Variants in PTCHD4 observed in about 807,000 individuals in gnomAD.
PTCHD4 encodes patched domain containing 4.
PTCHD4 carries 33 observed loss-of-function variants against 58.1 expected under a neutral mutation model. The ratio of observed to expected loss-of-function variants is 0.57; its 90% CI spans 0.43 to 0.76. The LOEUF (loss-of-function observed/expected upper bound fraction) is 0.76. Among genes scored for constraint, PTCHD4 ranks in the 30% least tolerant of loss-of-function variants. The pLI, the probability that PTCHD4 is intolerant of heterozygous loss-of-function variation, is 0.00. For missense variants in PTCHD4, 1,058 were observed against 1,027.1 expected (o/e 1.03, Z -0.41); for synonymous variants, 478 against 409.6 (o/e 1.17, Z -2.02).
chr6:48,062,536 A>G (rs1764666601), intron 3 of PTCHD4, among the ~76,000 whole-genome samples: 3 of 152,132 alleles, frequency 2.0e-5, no homozygotes, highest in Admixed American at 2.0e-4. Flanking sequence ...CTTATGAAAA[A>G]TTTACAACCA....
At chr6:47,985,177 T>A (rs1344527282) in intron 4 of PTCHD4, among the ~76,000 whole-genome samples, 1 of 152,130 alleles carries the variant, frequency 6.6e-6, no homozygotes, top group East Asian at 1.9e-4. Context: ...TATGTATAGC[T>A]TCCATTCTTA....
intron 4 of PTCHD4, among the ~76,000 whole-genome samples, chr6:47,964,936 C>T (rs766772186): frequency 3.2e-4 from 48 of 151,948 alleles, no homozygotes; most frequent in Non-Finnish European, 5.3e-4. Flanking sequence ...ACAGCACACT[C>T]GAGTGGGTTT....
chr6:47,937,184 C>T, intron 4 of PTCHD4, among the ~76,000 whole-genome samples: 1 of 152,196 alleles, frequency 6.6e-6, no homozygotes, highest in Non-Finnish European at 1.5e-5. Flanking sequence ...CATGGAAAAG[C>T]ATGCCATGGC....
At chr6:47,929,639 A>G (rs1335072432) in intron 4 of PTCHD4, among the ~76,000 whole-genome samples, 1 of 152,224 alleles carries the variant, frequency 6.6e-6, no homozygotes, top group Non-Finnish European at 1.5e-5. Context: ...TATTTTCCAG[A>G]GAGGAACTCC....
At chr6:47,909,691 C>T (rs1042358505) in intron 4 of PTCHD4, among the ~76,000 whole-genome samples, 2 of 152,080 alleles carry the variant, frequency 1.3e-5, no homozygotes, top group Non-Finnish European at 1.5e-5. Context: ...GATCCTTCTG[C>T]CTTGGCCTCC....
intron 1 of PTCHD4, among the ~76,000 whole-genome samples, chr6:48,091,378 G>A (rs1200574470): frequency 6.6e-6 from 1 of 151,966 alleles, no homozygotes; most frequent in African/African-American, 2.4e-5. Flanking sequence ...AAATACATGG[G>A]AGCTTGTTAG....
At position 47,867,520 on chromosome 6, in the gene PTCHD4, C is replaced by T. The variant is rs553989181; in HGVS notation, c.*10783G>A. On this transcript the variant is annotated 3_prime_UTR_variant, in exon 5 of 5. Coordinates refer to ENST00000339488, the MANE Select transcript of PTCHD4 (RefSeq NM_001384253.1). ...CCCTCTCCAAAATCCAAGTAACTCC[C>T]CATATCCTGGCAATGCTTTATAATA... Among the ~76,000 whole-genome samples, 1 of 150,112 alleles carries T rather than the reference C, an allele frequency of 6.7e-6. No individual in the cohort carries two copies. Among genetic ancestry groups the T allele is most frequent in the South Asian group, 2.1e-4 (1 of 4,808 alleles).
At chr6:48,066,646 C>T (rs1378467151) in intron 3 of PTCHD4, among the ~76,000 whole-genome samples, 2 of 152,216 alleles carry the variant, frequency 1.3e-5, no homozygotes, top group South Asian at 4.2e-4. Flanking sequence ...CCAACATGCT[C>T]CCATCAATAA....
At chr6:47,982,481 C>CTTTTT (rs375869071) in intron 4 of PTCHD4, among the ~76,000 whole-genome samples, 34 of 130,782 alleles carry the variant, frequency 2.6e-4, no homozygotes, top group African/African-American at 3.7e-4. Flanking sequence ...TTATCTCTCT[C>CTTTTT]TTTTTTTTTT....
At chr6:48,089,937 T>G (rs777233102) in intron 1 of PTCHD4, among the ~76,000 whole-genome samples, 1 of 152,226 alleles carries the variant, frequency 6.6e-6, no homozygotes, top group Non-Finnish European at 1.5e-5. Context: ...CCTTCTTTGA[T>G]TCAGAAGTCT....
At chr6:47,979,346 AAAG>A (rs1767800215) in intron 4 of PTCHD4, among the ~76,000 whole-genome samples, 1 of 152,074 alleles carries the variant, frequency 6.6e-6, no homozygotes, top group Non-Finnish European at 1.5e-5. Flanking sequence ...ATAAATGAAA[AAAG>A]AACTAAACAA....
intron 4 of PTCHD4, among the ~76,000 whole-genome samples, chr6:47,992,067 A>G (rs550394716): frequency 1.3e-5 from 2 of 152,270 alleles, no homozygotes; most frequent in African/African-American, 4.8e-5. Flanking sequence ...TCAACTATAC[A>G]CAATTTACCA....
At chr6:47,882,765 AT>A (rs1764061580) in intron 4 of PTCHD4, among the ~76,000 whole-genome samples, 1 of 36,038 alleles carries the variant, frequency 2.8e-5, no homozygotes. Flanking sequence ...TATTCCTTAA[AT>A]TTTTATTGCC....
chr6:48,068,407 G>T lies in PTCHD4; in HGVS notation c.240C>A (p.Ile80=), dbSNP rs766422682. 1.5e-5 allele frequency: 24 copies of T among 1,613,824 alleles called. No homozygotes were observed. The highest frequency in any genetic ancestry group is 1.9e-5 in the Non-Finnish European group (22 of 1,179,890). ...LVAPSHSLAK[I]ERSLASSLFP... is the part of the protein sequence containing the mutation. ...AAAGGCTGCTGGCCAGGCTGCGCTC[G>T]ATCTTGGCCAGGCTGTGGCTGGGAG... Residue 80 remains isoleucine, a synonymous_variant, in exon 3 of 5, where the codon ATC becomes ATA. Coordinates refer to ENST00000339488, the MANE Select transcript of PTCHD4 (RefSeq NM_001384253.1). The surrounding 1 kb of genome is among the most constrained non-coding windows in gnomAD (Gnocchi z 4.2).
intron 4 of PTCHD4, among the ~76,000 whole-genome samples, chr6:47,884,787 T>A (rs759631636): frequency 6.6e-6 from 1 of 152,188 alleles, no homozygotes; most frequent in Non-Finnish European, 1.5e-5. Context: ...CTGTGTACCA[T>A]GAAAATGCGG....
chr6:47,890,875 A>G (rs942801973), intron 4 of PTCHD4: 8 of 983,796 alleles, frequency 8.1e-6, no homozygotes, highest in Non-Finnish European at 8.4e-6. Context: ...GAAGTTTTCA[A>G]TTTTTTTCTC....
At chr6:48,038,663 CAAAAA>C (rs11417903) in intron 3 of PTCHD4, among the ~76,000 whole-genome samples, 1 of 120,136 alleles carries the variant, frequency 8.3e-6, no homozygotes, top group Non-Finnish European at 1.7e-5. Flanking sequence ...AAGTCTGTCT[CAAAAA>C]AAAAAAAAAA....
At chr6:48,058,320 T>C (rs1764488627) in intron 3 of PTCHD4, among the ~76,000 whole-genome samples, 1 of 152,276 alleles carries the variant, frequency 6.6e-6, no homozygotes, top group Non-Finnish European at 1.5e-5. Context: ...ATGACAATGC[T>C]GCTGGTCCAA....
In PTCHD4 at chr6:48,050,834, T is replaced by A. The variant is rs567181057; in HGVS notation, c.417+17396A>T. Among the ~76,000 whole-genome samples, 193 of 152,084 alleles carry A rather than the reference T, an allele frequency of 1.3e-3. 1 individual carries two copies. Among genetic ancestry groups the A allele is most frequent in the African/African-American group, 4.5e-3 (187 of 41,528 alleles). ...GGAAACAAAATACAGAGCCAAATAA[T>A]TACTGAGATAACTAAAACAAAAGTG... On this transcript the variant is annotated intron_variant, in intron 3 of 4. Coordinates refer to ENST00000339488, the MANE Select transcript of PTCHD4 (RefSeq NM_001384253.1).
Sources: gnomAD v4.1 joint callset for allele counts (sites outside exome capture counted in the v4.1 genomes callset) on GRCh38, gnomAD v4.1.1 for gene constraint, Gnocchi (gnomAD v3.1) non-coding constraint, MANE v1.5 for transcripts, NCBI Gene and HGNC (gene_info 2026-07-23, HGNC 2026-07-21) for gene names.